The following ENOPH1 variants were observed in gnomAD, a reference collection of about 807,000 sequenced individuals.
ENOPH1 encodes enolase-phosphatase 1, also known as enolase-phosphatase E1.
A neutral mutation model predicts 31.1 loss-of-function variants in ENOPH1; 14 were observed. That is an observed-to-expected ratio of 0.45 (90% CI 0.30 to 0.70). The LOEUF is 0.70. Ranked by LOEUF, ENOPH1 falls within the 30% of genes least tolerant of loss-of-function variation. ENOPH1 has a pLI of 0.09. For missense variants in ENOPH1, 243 were observed against 321.5 expected, an observed-to-expected ratio of 0.76 and a Z score of 1.87; for synonymous variants, 127 against 123.2, an observed-to-expected ratio of 1.03 and a Z score of -0.21.
intron 1 of ENOPH1, among the ~76,000 whole-genome samples, chr4:82,443,579 T>A (rs1416020664): frequency 2.0e-5 from 3 of 149,224 alleles, no homozygotes; most frequent in Non-Finnish European, 4.5e-5. Context: ...ACACAAAAAA[T>A]TGGCCGGGCG....
Position 82,441,091 on chromosome 4 carries a change from G to A in ENOPH1, c.85-6829G>A, listed in dbSNP as rs80158341. ...CAGATGGCATGGACCACTCCAAAAA[G>A]TAGCAATTCTCGTTGTTAGAAGTAT... On this transcript the variant is annotated intron_variant, in intron 1 of 5. Transcript: ENST00000273920. Among the ~76,000 whole-genome samples the A allele has an allele frequency of 6.6e-3, 1,006 of 152,290 alleles. 5 individuals carry two copies. The highest frequency in any genetic ancestry group is 0.017 in the Middle Eastern group (5 of 294).
At position 82,446,275 on chromosome 4, in the gene ENOPH1, G is replaced by A. The variant is rs546206795; in HGVS notation, c.85-1645G>A. On this transcript the variant is annotated intron_variant, in intron 1 of 5. Transcript: ENST00000273920. ...TCTACTAAAAATACAAAAATTAGCCGGGTGTGGTGGCAGGTGCCTGTAATC... is the reference window on the plus strand; with the variant it reads ...TCTACTAAAAATACAAAAATTAGCCAGGTGTGGTGGCAGGTGCCTGTAATC... 7.9e-5 allele frequency among the ~76,000 whole-genome samples: 12 copies of A among 152,002 alleles called. 1 individual carries two copies. The South Asian group carries it at 1.2e-3, about 16-fold the overall frequency.
chr4:82,432,190 C>T (rs1721789094), intron 1 of ENOPH1, among the ~76,000 whole-genome samples: 1 of 152,120 alleles, frequency 6.6e-6, no homozygotes, highest in Admixed American at 6.5e-5. Flanking sequence ...AGGCGCCTGG[C>T]CTGAATGAGT....
At chr4:82,457,114 A>G in intron 5 of ENOPH1, 76 bp downstream of exon 5, 1 of 1,353,602 alleles carries the variant, frequency 7.4e-7, no homozygotes, top group Non-Finnish European at 1.0e-6. Context: ...TTGCCTCTTT[A>G]AAGAAACTTT....
In ENOPH1 at chr4:82,430,625, A is replaced by T; in HGVS notation, c.-205A>T. 1 of 568,596 alleles carries T rather than the reference A, an allele frequency of 1.8e-6. No individual in the cohort carries two copies. Among genetic ancestry groups the T allele is most frequent in the South Asian group, 2.1e-5 (1 of 48,034 alleles). 35.2% of individuals were successfully genotyped at this position (568,596 alleles called of 1,614,324 possible). On this transcript the variant is annotated 5_prime_UTR_variant, in exon 1 of 6. Transcript: ENST00000273920. ...CCTGCCCCGTCCTGCTCACGAGTTC[A>T]GGGCTCCTGGGCGGCCGCCTTTTCC...
Position 82,451,150 on chromosome 4 carries a change from C to G in ENOPH1, c.294C>G (p.Cys98Trp). 1 of 1,614,188 alleles carries G rather than the reference C, an allele frequency of 6.2e-7. No homozygotes were observed. Among genetic ancestry groups the G allele is most frequent in the Non-Finnish European group, 8.5e-7 (1 of 1,180,024 alleles). The change falls in exon 3 of 6, where the codon TGC becomes TGG. Residue 98 changes from cysteine (C) to tryptophan (W), a missense_variant. Coordinates refer to ENST00000273920, the MANE Select transcript of ENOPH1 (RefSeq NM_021204.5). ...QMIQAVVDNVCWQMSLDRKTT... is the reference protein window; with the variant it reads ...QMIQAVVDNVWWQMSLDRKTT... Reference sequence around the variant, plus strand: ...TCCAGGCCGTGGTAGATAATGTGTGCTGGCAGATGTCCCTGGATCGAAAGA... The same window carrying G: ...TCCAGGCCGTGGTAGATAATGTGTGGTGGCAGATGTCCCTGGATCGAAAGA...
At chr4:82,457,089 G>T in intron 5 of ENOPH1, 51 bp downstream of exon 5, 3 of 1,551,272 alleles carry the variant, frequency 1.9e-6, no homozygotes, top group Non-Finnish European at 1.8e-6. Context: ...AACTGAGCCT[G>T]GCACTACAAA....
chr4:82,443,797 A>G (rs1385954860), intron 1 of ENOPH1, among the ~76,000 whole-genome samples: 1 of 152,008 alleles, frequency 6.6e-6, no homozygotes, highest in Non-Finnish European at 1.5e-5. Flanking sequence ...AAAAAATACT[A>G]AGTTCTCAAG....
chr4:82,446,600 A>AAG (rs1179596849), intron 1 of ENOPH1, among the ~76,000 whole-genome samples: 21 of 152,024 alleles, frequency 1.4e-4, no homozygotes, highest in African/African-American at 5.1e-4. Context: ...CTGACTGGGA[A>AAG]AGAAATTCCT....
chr4:82,433,651 CT>C (rs1255555678), intron 1 of ENOPH1, among the ~76,000 whole-genome samples: 1 of 152,130 alleles, frequency 6.6e-6, no homozygotes, highest in African/African-American at 2.4e-5. Flanking sequence ...ATTAAATGCA[CT>C]TTTGGGAAAT....
At chr4:82,451,815 C>G (rs75342585) in intron 3 of ENOPH1, among the ~76,000 whole-genome samples, 18,547 of 152,078 alleles carry the variant, frequency 0.12, 1,218 homozygotes, top group Middle Eastern at 0.29. Flanking sequence ...CAGACAGGGT[C>G]CTACTCTGTT....
intron 1 of ENOPH1, among the ~76,000 whole-genome samples, chr4:82,439,335 C>A (rs1012574520): frequency 6.6e-6 from 1 of 152,126 alleles, no homozygotes; most frequent in Admixed American, 6.5e-5. Context: ...CTAAGGCATG[C>A]GGTTTGGAAA....
At chr4:82,432,900 G>T (rs1365036214) in intron 1 of ENOPH1, among the ~76,000 whole-genome samples, 1 of 152,226 alleles carries the variant, frequency 6.6e-6, no homozygotes, top group Non-Finnish European at 1.5e-5. Flanking sequence ...GCGAGCCACC[G>T]CGCCTGACCT....
At position 82,451,346 on chromosome 4, in the gene ENOPH1, CAG is replaced by C. The variant is rs1722346307; in HGVS notation, c.389+103_389+104del. 11 of 1,134,258 alleles carry C rather than the reference CAG, an allele frequency of 9.7e-6. No individual in the cohort carries two copies. The South Asian group carries it at 1.5e-4, about 16-fold the overall frequency. The allele number at this position is 1,134,258 out of a possible 1,614,324, so 70.3% of individuals were successfully genotyped here. ...AGCGTAAGTCACAAGACTGGTAAAA[CAG>C]ATAAAAATCCACACTCTTTTTAGTC... On this transcript the variant is annotated intron_variant, in intron 3 of 5. Coordinates refer to ENST00000273920, the MANE Select transcript of ENOPH1 (RefSeq NM_021204.5).
intron 4 of ENOPH1, among the ~76,000 whole-genome samples, chr4:82,456,267 C>T (rs1469634445): frequency 6.9e-6 from 1 of 144,332 alleles, no homozygotes; most frequent in Admixed American, 6.9e-5. Flanking sequence ...TGAGTGCTTA[C>T]TATGCTTGTT....
At chr4:82,444,625 C>T (rs376177577) in intron 1 of ENOPH1, among the ~76,000 whole-genome samples, 1 of 152,154 alleles carries the variant, frequency 6.6e-6, no homozygotes, top group Admixed American at 6.5e-5. Context: ...ATTAGGTCTT[C>T]GAAATTTCAT....
chr4:82,453,207 A>T (rs1186919606), intron 3 of ENOPH1, among the ~76,000 whole-genome samples: 2 of 152,070 alleles, frequency 1.3e-5, no homozygotes, highest in East Asian at 3.9e-4. Flanking sequence ...TGGGTGTGAA[A>T]TTCTTAAGGA....
intron 4 of ENOPH1, among the ~76,000 whole-genome samples, chr4:82,456,276 T>C (rs1722490096): frequency 6.6e-6 from 1 of 151,882 alleles, no homozygotes; most frequent in African/African-American, 2.4e-5. Flanking sequence ...ACTATGCTTG[T>C]TTTTAGTTTG....
chr4:82,450,123 T>C (rs1269364403), intron 2 of ENOPH1, among the ~76,000 whole-genome samples: 1 of 152,264 alleles, frequency 6.6e-6, no homozygotes, highest in Non-Finnish European at 1.5e-5. Flanking sequence ...AATGTAGTTA[T>C]GTCCTTTGGG....
Sources: allele counts gnomAD v4.1 joint callset (sites outside exome capture counted in the v4.1 genomes callset), GRCh38; gene constraint gnomAD v4.1.1; transcripts MANE v1.5; gene names NCBI Gene and HGNC (gene_info 2026-07-23, HGNC 2026-07-21).